ATXN1: variants seen among roughly 807,000 people sequenced by gnomAD.
ATXN1 encodes ataxin 1, also known as ataxin-1.
In ATXN1, 8 loss-of-function variants were observed where a neutral mutation model predicts 56.4. That is an observed-to-expected ratio of 0.14 (90% CI 0.08 to 0.26). ATXN1 has a LOEUF of 0.26. ATXN1 is among the 10% of genes least tolerant of loss of function. The pLI is 1.00. For synonymous variants in ATXN1, 514 were observed against 494.6 expected (o/e 1.04, Z -0.52); for missense variants, 987 against 1,106.5 (o/e 0.89, Z 1.53).
At position 16,477,257 on chromosome 6, in the gene ATXN1, G is replaced by C. The variant is rs137877493; in HGVS notation, c.-161+8715C>G. Reference sequence around the variant, plus strand: ...CTTCCACAGAGAAGTGGCCATGGAGGGAAGCCCCCAGCTCTGCCAATGTCA... The same window carrying C: ...CTTCCACAGAGAAGTGGCCATGGAGCGAAGCCCCCAGCTCTGCCAATGTCA... On this transcript the variant is annotated intron_variant, in intron 6 of 7. Coordinates refer to ENST00000436367, the MANE Select transcript of ATXN1 (RefSeq NM_001128164.2). Among the ~76,000 whole-genome samples, 5 of 152,334 alleles carry C rather than the reference G, an allele frequency of 3.3e-5. No homozygotes were observed. In the East Asian group the frequency reaches 9.6e-4, roughly 29 times the overall value.
chr6:16,506,056 C>T lies in ATXN1; in HGVS notation c.-299+16571G>A, dbSNP rs1256967279. Among the ~76,000 whole-genome samples, 1 of 152,134 alleles carries T rather than the reference C, an allele frequency of 6.6e-6. No individual in the cohort carries two copies. On this transcript the variant is annotated intron_variant, in intron 5 of 7. Transcript: ENST00000436367. This position sits in a 1 kb window ranked among gnomAD's most constrained non-coding sequence, Gnocchi z 4.1. Reference sequence around the variant, plus strand: ...CTAGAAGAGAGGCCCAGGCTGAGAGCATCATGGTTTTGGCAGGGAACTCAG... The same window carrying T: ...CTAGAAGAGAGGCCCAGGCTGAGAGTATCATGGTTTTGGCAGGGAACTCAG...
At chr6:16,450,171 G>C (rs1175559952) in intron 6 of ATXN1, among the ~76,000 whole-genome samples, 1 of 152,212 alleles carries the variant, frequency 6.6e-6, no homozygotes, top group East Asian at 1.9e-4. Context: ...CACTGCCATA[G>C]CTATATAATG....
At chr6:16,469,691 C>T (rs780953843) in intron 6 of ATXN1, among the ~76,000 whole-genome samples, 4 of 152,204 alleles carry the variant, frequency 2.6e-5, no homozygotes, top group East Asian at 1.9e-4. Flanking sequence ...AGACTGGGTG[C>T]GGTGGCTCAT....
chr6:16,300,053 G>T lies in ATXN1; in HGVS notation c.*6276C>A, dbSNP rs1409074016. 1 of 152,634 alleles carries T rather than the reference G, an allele frequency of 6.6e-6. No individual in the cohort carries two copies. 9.5% of individuals were successfully genotyped at this position (152,634 alleles called of 1,614,324 possible). A position where few individuals can be genotyped will look rare whatever the true frequency, so the allele number is the denominator to read the frequency against. On this transcript the variant is annotated 3_prime_UTR_variant, in exon 8 of 8. Coordinates refer to ENST00000436367, the MANE Select transcript of ATXN1 (RefSeq NM_001128164.2). ...TACTTGGTATTCTGGAGGACAGTATGTTATCTTGGTAAGGATTACTGTAAA... is the reference window on the plus strand; with the variant it reads ...TACTTGGTATTCTGGAGGACAGTATTTTATCTTGGTAAGGATTACTGTAAA...
At chr6:16,348,769 G>GCA (rs1761501148) in intron 6 of ATXN1, among the ~76,000 whole-genome samples, 1 of 152,132 alleles carries the variant, frequency 6.6e-6, no homozygotes, top group South Asian at 2.1e-4. Context: ...GGACAATTCA[G>GCA]TGCCTAGCAT....
chr6:16,466,786 T>C (rs1325017229), intron 6 of ATXN1, among the ~76,000 whole-genome samples: 1 of 152,212 alleles, frequency 6.6e-6, no homozygotes, highest in Non-Finnish European at 1.5e-5. Flanking sequence ...TAGATAATAA[T>C]GACATGGCAG....
chr6:16,598,720 G>C (rs12192838), intron 3 of ATXN1, among the ~76,000 whole-genome samples: 84,036 of 151,990 alleles, frequency 0.55, 25,313 homozygotes, highest in Admixed American at 0.7. Flanking sequence ...GCTGGAGTGG[G>C]GGTGGCAGGA....
chr6:16,486,297 C>G (rs1760543252), intron 5 of ATXN1, among the ~76,000 whole-genome samples, 188 bp from the exon 6 acceptor site: 1 of 152,168 alleles, frequency 6.6e-6, no homozygotes, highest in South Asian at 2.1e-4. Flanking sequence ...TACAGCCAGC[C>G]TCTCCTCACC....
intron 6 of ATXN1, among the ~76,000 whole-genome samples, chr6:16,421,846 G>A (rs1759041059): frequency 6.6e-6 from 1 of 152,162 alleles, no homozygotes; most frequent in African/African-American, 2.4e-5. Context: ...CCATGACTGT[G>A]CATGTATATG....
intron 6 of ATXN1, among the ~76,000 whole-genome samples, chr6:16,435,743 G>A (rs770046841): frequency 5.9e-5 from 9 of 152,136 alleles, no homozygotes; most frequent in South Asian, 4.1e-4. Context: ...CGGTAGAGCC[G>A]TGGTTGAAGG....
chr6:16,451,621 G>A (rs1759754796), intron 6 of ATXN1, among the ~76,000 whole-genome samples: 2 of 152,084 alleles, frequency 1.3e-5, no homozygotes, highest in Non-Finnish European at 2.9e-5. Context: ...CGGGCGTGGT[G>A]GCACATGCCT....
intron 7 of ATXN1, among the ~76,000 whole-genome samples, chr6:16,313,034 C>T (rs1760436430): frequency 1.3e-5 from 2 of 152,154 alleles, no homozygotes; most frequent in Admixed American, 1.3e-4. Context: ...TGTGCCACCA[C>T]ACCTGGCTAA....
At chr6:16,621,702 G>A (rs1763323907) in intron 3 of ATXN1, among the ~76,000 whole-genome samples, 1 of 152,164 alleles carries the variant, frequency 6.6e-6, no homozygotes, top group African/African-American at 2.4e-5. Flanking sequence ...GACAGAGCGA[G>A]ATTCCATCTC....
At chr6:16,692,383 G>A (rs529134736) in intron 2 of ATXN1, among the ~76,000 whole-genome samples, 1 of 152,312 alleles carries the variant, frequency 6.6e-6, no homozygotes, top group Non-Finnish European at 1.5e-5. Flanking sequence ...CAAGTAATCT[G>A]TATGATTACT....
chr6:16,521,816 C>A (rs779293842), intron 5 of ATXN1, among the ~76,000 whole-genome samples: 8 of 152,088 alleles, frequency 5.3e-5, no homozygotes, highest in African/African-American at 1.9e-4. Context: ...TTGGAAAGGG[C>A]GCAGAAGAAA....
intron 2 of ATXN1, among the ~76,000 whole-genome samples, chr6:16,717,479 G>A (rs546143371): frequency 2.8e-4 from 43 of 152,356 alleles, no homozygotes; most frequent in African/African-American, 9.1e-4. Flanking sequence ...CTTCCTTAGA[G>A]AGCATGTGCA....
Position 16,624,444 on chromosome 6 carries a change from TTGA to T in ATXN1, c.-489+33329_-489+33331del, listed in dbSNP as rs1488504180. ...TCAGTTAATACCACTGAATGTACAC[TTGA>T]TGGTGAAGACGGTCAATTTTATAGT... On this transcript the variant is annotated intron_variant, in intron 3 of 7. Transcript: ENST00000436367. Among the ~76,000 whole-genome samples the T allele has an allele frequency of 3.9e-5, 6 of 152,144 alleles. No individual in the cohort carries two copies. The East Asian group carries it at 1.2e-3, about 29-fold the overall frequency.
intron 6 of ATXN1, among the ~76,000 whole-genome samples, chr6:16,464,260 T>C (rs1305054658): frequency 6.6e-6 from 1 of 152,056 alleles, no homozygotes; most frequent in African/African-American, 2.4e-5. Flanking sequence ...AATGCACCAA[T>C]AAGTGCTCTG....
chr6:16,375,038 C>A (rs1216425191), intron 6 of ATXN1, among the ~76,000 whole-genome samples: 1 of 152,230 alleles, frequency 6.6e-6, no homozygotes, highest in African/African-American at 2.4e-5. Flanking sequence ...ACTCACCCAC[C>A]TACCCCAGCA....
Sources: gnomAD v4.1 joint callset for allele counts (sites outside exome capture counted in the v4.1 genomes callset) on GRCh38, gnomAD v4.1.1 for gene constraint, Gnocchi (gnomAD v3.1) non-coding constraint, MANE v1.5 for transcripts, NCBI Gene and HGNC (gene_info 2026-07-23, HGNC 2026-07-21) for gene names.